The following TBC1D8B variants were observed in gnomAD, a reference collection of about 807,000 sequenced individuals.
TBC1D8B encodes TBC1 domain family member 8B.
A neutral mutation model predicts 82.9 loss-of-function variants in TBC1D8B; 75 were observed. The ratio of observed to expected loss-of-function variants is 0.90; its 90% confidence interval spans 0.75 to 1.10. TBC1D8B has a LOEUF of 1.10. TBC1D8B is among the 50% of genes least tolerant of loss of function. TBC1D8B has a pLI of 0.00. For synonymous variants in TBC1D8B, 276 were observed against 276.8 expected, an observed-to-expected ratio of 1.00 and a Z score of 0.03; for missense variants, 794 against 796.9, an observed-to-expected ratio of 1.00 and a Z score of 0.04.
At chrX:106,840,905 C>T (rs1378113741) in intron 10 of TBC1D8B, 21 bp downstream of exon 10, 2 of 1,159,628 alleles carry the variant, frequency 1.7e-6, no homozygotes, top group Non-Finnish European at 2.3e-6. Flanking sequence ...ACTATGAGCC[C>T]AACTGTGTGT....
intron 18 of TBC1D8B, among the ~76,000 whole-genome samples, chrX:106,869,123 C>T (rs1932831819): frequency 8.9e-6 from 1 of 111,840 alleles, no homozygotes; most frequent in Admixed American, 9.5e-5. Context: ...GTTGTTGCCA[C>T]AGTCAGGGCT....
In TBC1D8B at chrX:106,848,272, G is replaced by A. The variant is rs755544165; in HGVS notation, c.1806G>A (p.Met602Ile). The A allele has an allele frequency of 8.4e-6, 10 of 1,189,342 alleles. No homozygotes were observed. The Admixed American group carries it at 2.2e-4, about 26-fold the overall frequency. Residue 602 changes from methionine (M) to isoleucine (I), a missense_variant, in exon 11 of 21, where the codon ATG becomes ATA. Transcript: ENST00000357242. ...TTCTGGTTGCTGTATGTGAACGAAT[G>A]TTGCCTGATTATTTTAATCGTCGAA... Reference protein sequence around the residue: ...FWLLVAVCERMLPDYFNRRII... With the variant: ...FWLLVAVCERILPDYFNRRII...
chrX:106,870,930 C>A, intron 20 of TBC1D8B, 117 bp downstream of exon 20: 1 of 444,306 alleles, frequency 2.3e-6, no homozygotes, highest in Non-Finnish European at 3.7e-6. Context: ...TATCTATTAG[C>A]TCTCTAAGTT....
chrX:106,831,039 G>C (rs955867571), intron 7 of TBC1D8B, among the ~76,000 whole-genome samples: 1 of 110,860 alleles, frequency 9.0e-6, no homozygotes, highest in South Asian at 3.8e-4. Context: ...TGGAAATGCA[G>C]ACAGGTCAAA....
chrX:106,860,821 T>A (rs1320206732), intron 14 of TBC1D8B, among the ~76,000 whole-genome samples: 1 of 111,741 alleles, frequency 8.9e-6, no homozygotes, highest in African/African-American at 3.3e-5. Context: ...GATGTTAGGT[T>A]GTTAATTTCA....
At position 106,866,041 on chromosome X, in the gene TBC1D8B, GA is replaced by G. The variant is rs1401184506; in HGVS notation, c.2662+9del. ...AATTCTCCTCTGCAATTGGTAAGATGATTTTTTTAAGCAAAAAAAAAAGGTG... is the reference window on the plus strand; with the variant it reads ...AATTCTCCTCTGCAATTGGTAAGATGTTTTTTTAAGCAAAAAAAAAAGGTG... On this transcript the variant is annotated intron_variant, in intron 16 of 20. Coordinates refer to ENST00000357242, the MANE Select transcript of TBC1D8B (RefSeq NM_017752.3). The G allele has an allele frequency of 1.7e-6, 2 of 1,179,614 alleles. No homozygotes were observed. Among genetic ancestry groups the G allele is most frequent in the Admixed American group, 2.5e-5 (1 of 40,068 alleles).
intron 1 of TBC1D8B, among the ~76,000 whole-genome samples, chrX:106,805,029 G>A (rs968310994): frequency 2.0e-5 from 2 of 100,650 alleles, no homozygotes; most frequent in Admixed American, 1.1e-4. Flanking sequence ...TATAATCACT[G>A]TAATGTAGTA....
intron 1 of TBC1D8B, among the ~76,000 whole-genome samples, chrX:106,816,169 C>T (rs1198796493): frequency 9.0e-6 from 1 of 111,553 alleles, no homozygotes; most frequent in Non-Finnish European, 1.9e-5. Context: ...ACCCCATTGT[C>T]TAAGCCCAAA....
intron 7 of TBC1D8B, among the ~76,000 whole-genome samples, chrX:106,835,396 G>C (rs753184633): frequency 8.9e-6 from 1 of 112,238 alleles, no homozygotes; most frequent in African/African-American, 3.2e-5. Flanking sequence ...CCCTGGGCCA[G>C]GTTCACGAAA....
intron 1 of TBC1D8B, among the ~76,000 whole-genome samples, chrX:106,805,335 T>C (rs1267345731): frequency 9.2e-6 from 1 of 109,205 alleles, no homozygotes; most frequent in Non-Finnish European, 1.9e-5. Context: ...CCTCCCACTT[T>C]GGTCTCCCAA....
At chrX:106,862,776 GTTTTTTTTT>G (rs1181091591) in intron 14 of TBC1D8B, among the ~76,000 whole-genome samples, 5 of 37,295 alleles carry the variant, frequency 1.3e-4, no homozygotes, top group African/African-American at 6.0e-4. Context: ...GTTTTTTTTT[GTTTTTTTTT>G]TTTTTTTTTT....
chrX:106,870,433 G>A (rs1932840850), intron 19 of TBC1D8B, among the ~76,000 whole-genome samples: 1 of 111,754 alleles, frequency 8.9e-6, no homozygotes, highest in Non-Finnish European at 1.9e-5. Context: ...TTATTAAGTC[G>A]GGGTGTATTG....
At position 106,873,666 on chromosome X, in the gene TBC1D8B, C is replaced by G. The variant is rs748273494; in HGVS notation, c.3064C>G (p.Leu1022Val). 9 of 1,209,940 alleles carry G rather than the reference C, an allele frequency of 7.4e-6. No individual in the cohort carries two copies. The Admixed American group carries it at 2.0e-4, about 26-fold the overall frequency. ...TCAAGCCATTGCTGTTGTAACCAGC[C>G]TTTTACTCAGGATGGAAGAAGTTGG... ...LYQAIAVVTSLLLRMEEVGRK... is the reference protein window; with the variant it reads ...LYQAIAVVTSVLLRMEEVGRK... The change falls in exon 21 of 21, where the codon CTT becomes GTT. Residue 1022 changes from leucine (L) to valine (V), a missense_variant. Leu to Val is a conservative substitution (Grantham distance 32, BLOSUM62 1). Transcript: ENST00000357242.
chrX:106,813,282 T>C (rs1366741452), intron 1 of TBC1D8B, among the ~76,000 whole-genome samples: 2 of 112,239 alleles, frequency 1.8e-5, no homozygotes, highest in Non-Finnish European at 3.8e-5. Flanking sequence ...TGGTACATAT[T>C]AATTTCTGAA....
chrX:106,833,655 A>C (rs1602419118), intron 7 of TBC1D8B, among the ~76,000 whole-genome samples: 3 of 111,786 alleles, frequency 2.7e-5, no homozygotes, highest in South Asian at 7.4e-4. Flanking sequence ...GAAGGTTTTA[A>C]CGTGACTTTA....
intron 13 of TBC1D8B, 119 bp from the exon 14 acceptor site, chrX:106,854,079 G>A: frequency 1.9e-6 from 1 of 526,411 alleles, no homozygotes; most frequent in Non-Finnish European, 2.8e-6. Flanking sequence ...AACAAGTCAG[G>A]AAATTCCCTA....
At chrX:106,823,156 G>A in intron 4 of TBC1D8B, 70 bp from the exon 5 acceptor site, 23 of 1,062,270 alleles carry the variant, frequency 2.2e-5, no homozygotes, top group Non-Finnish European at 2.9e-5. Flanking sequence ...TATTGTTTCA[G>A]AAGAACTGAT....
intron 14 of TBC1D8B, among the ~76,000 whole-genome samples, chrX:106,862,794 T>TTTTTTTTTTTTTTTTTC: frequency 1.0e-5 from 1 of 96,275 alleles, no homozygotes; most frequent in Non-Finnish European, 2.1e-5. Flanking sequence ...TTTTTTTTTT[T>TTTTTTTTTTTTTTTTTC]TTTTTTTTGC....
intron 10 of TBC1D8B, among the ~76,000 whole-genome samples, chrX:106,842,205 C>T (rs920869139): frequency 9.1e-5 from 10 of 109,752 alleles, no homozygotes; most frequent in Non-Finnish European, 1.9e-4. Context: ...ATTTTAGGAT[C>T]TCTGAAAGGT....
Sources: gnomAD v4.1 joint callset for allele counts (sites outside exome capture counted in the v4.1 genomes callset) on GRCh38, gnomAD v4.1.1 for gene constraint, MANE v1.5 for transcripts, NCBI Gene and HGNC (gene_info 2026-07-23, HGNC 2026-07-21) for gene names.